E2F2: variants seen among roughly 807,000 people sequenced by gnomAD.
E2F2 encodes the protein E2F transcription factor 2.
E2F2 carries 22 observed loss-of-function variants against 42.2 expected under a neutral mutation model. The observed-to-expected ratio is 0.52, with a 90% CI of 0.37 to 0.74. The LOEUF (loss-of-function observed/expected upper bound fraction) is 0.74. Among genes scored for constraint, E2F2 ranks in the 30% least tolerant of loss-of-function variants. E2F2 has a pLI of 0.00. For synonymous variants in E2F2, 248 were observed against 251.6 expected (o/e 0.99, Z 0.13); for missense variants, 481 against 557.8 (o/e 0.86, Z 1.39).
intron 4 of E2F2, 26 bp from the exon 5 acceptor site, chr1:23,519,156 G>T: frequency 6.3e-7 from 1 of 1,590,862 alleles, no homozygotes; most frequent in South Asian, 1.1e-5. Flanking sequence ...CAAGAAAAGT[G>T]ACTGTCTGGT....
chr1:23,513,082 G>T (rs1055671909), intron 6 of E2F2, among the ~76,000 whole-genome samples: 1 of 151,002 alleles, frequency 6.6e-6, no homozygotes, highest in African/African-American at 2.4e-5. Context: ...CCAAGTGCTG[G>T]ATTACAGGTG....
At position 23,524,503 on chromosome 1, in the gene E2F2, GGA is replaced by G. The variant is rs771324453; in HGVS notation, c.253-17_253-16del. On this transcript the variant is annotated splice_polypyrimidine_tract_variant and intron_variant, in intron 1 of 6. Coordinates refer to ENST00000361729, the MANE Select transcript of E2F2 (RefSeq NM_004091.4). Reference sequence around the variant, plus strand: ...TTCCTTTTGGCCTTGGAGAAAAGGGGGAGAGAGAGGCAGAGTTTGAGAATCAT... The same window carrying G: ...TTCCTTTTGGCCTTGGAGAAAAGGGGGAGAGAGGCAGAGTTTGAGAATCAT... The G allele has an allele frequency of 1.7e-5, 28 of 1,609,920 alleles. No homozygotes were observed. The African/African-American group carries it at 3.1e-4, about 18-fold the overall frequency.
At chr1:23,510,926 G>A (rs1368761547) in intron 6 of E2F2, among the ~76,000 whole-genome samples, 1 of 152,068 alleles carries the variant, frequency 6.6e-6, no homozygotes, top group African/African-American at 2.4e-5. Context: ...AGTTATGATG[G>A]TAAATTTTTG....
chr1:23,517,440 C>T (rs538152776), intron 5 of E2F2, among the ~76,000 whole-genome samples: 1 of 152,244 alleles, frequency 6.6e-6, no homozygotes, highest in African/African-American at 2.4e-5. Flanking sequence ...TACCCTTTCT[C>T]TATGCTTGCA....
chr1:23,524,782 C>T (rs1244110084), intron 1 of E2F2, among the ~76,000 whole-genome samples: 2 of 152,228 alleles, frequency 1.3e-5, no homozygotes, highest in Non-Finnish European at 2.9e-5. Flanking sequence ...GCTCCTTAAC[C>T]ACGGGCCCTA....
At chr1:23,523,205 G>A (rs910146273) in intron 2 of E2F2, among the ~76,000 whole-genome samples, 10 of 150,856 alleles carry the variant, frequency 6.6e-5, no homozygotes, top group African/African-American at 2.4e-4. Context: ...CCAGGCTGGA[G>A]TGGAGTGCAG....
intron 5 of E2F2, among the ~76,000 whole-genome samples, chr1:23,516,797 G>A (rs1643029310): frequency 1.5e-5 from 2 of 131,472 alleles, no homozygotes; most frequent in Admixed American, 1.5e-4. Flanking sequence ...TAGTTTTGGG[G>A]CGGGGGGGGG....
chr1:23,505,704 G>A (rs927595686), downstream of E2F2, among the ~76,000 whole-genome samples: 2 of 152,110 alleles, frequency 1.3e-5, no homozygotes, highest in East Asian at 3.8e-4. Flanking sequence ...TAGTAGAGAC[G>A]GGGTTTCACT....
At position 23,521,078 on chromosome 1, in the gene E2F2, ACAGAGCAGCCCCC is replaced by A; in HGVS notation, c.579-20_579-8del. The stretch of plus-strand genomic sequence containing the variant: ...TTCAAACATTCCCCTGCCTCTGGGA[ACAGAGCAGCCCCC>A]CAGTGTCAGTCTGTGGGTGAAACTC... On this transcript the variant is annotated splice_polypyrimidine_tract_variant and splice_region_variant and intron_variant, in intron 3 of 6. Transcript: ENST00000361729. 4 of 1,607,038 alleles carry A rather than the reference ACAGAGCAGCCCCC, an allele frequency of 2.5e-6. No homozygotes were observed. Among genetic ancestry groups the A allele is most frequent in the Non-Finnish European group, 3.4e-6 (4 of 1,176,788 alleles).
At chr1:23,511,234 C>A (rs1026008320) in intron 6 of E2F2, among the ~76,000 whole-genome samples, 1 of 151,892 alleles carries the variant, frequency 6.6e-6, no homozygotes, top group Non-Finnish European at 1.5e-5. Flanking sequence ...TCTTTCTCGC[C>A]GCCTTCTTTT....
At chr1:23,518,589 T>C (rs1643073134) in intron 5 of E2F2, among the ~76,000 whole-genome samples, 1 of 151,946 alleles carries the variant, frequency 6.6e-6, no homozygotes, top group Non-Finnish European at 1.5e-5. Flanking sequence ...CAAAGACAGA[T>C]GGGGCAGCGG....
chr1:23,522,030 G>T lies in E2F2; in HGVS notation c.385C>A (p.Arg129=). 6.2e-7 allele frequency: 1 copy of T among 1,614,090 alleles called. No homozygotes were observed. The highest frequency in any genetic ancestry group is 8.5e-7 in the Non-Finnish European group (1 of 1,180,026). ...KTPKSPGEKT[R]YDTSLGLLTK... The stretch of plus-strand genomic sequence containing the variant: ...AGCAGCCCCAGCGAAGTGTCATACC[G>T]AGTCTTCTCCCCGGGGGATTTGGGG... Residue 129 remains arginine, a synonymous_variant, in exon 3 of 7, where the codon CGG becomes AGG. Coordinates refer to ENST00000361729, the MANE Select transcript of E2F2 (RefSeq NM_004091.4).
chr1:23,525,353 G>C (rs1468901942), intron 1 of E2F2, among the ~76,000 whole-genome samples: 1 of 152,226 alleles, frequency 6.6e-6, no homozygotes, highest in Non-Finnish European at 1.5e-5. Flanking sequence ...CCTGGTTAGG[G>C]CTGGGCAGGG....
intron 2 of E2F2, among the ~76,000 whole-genome samples, 171 bp downstream of exon 2, chr1:23,524,212 T>C (rs1006021796): frequency 6.6e-6 from 1 of 152,060 alleles, no homozygotes; most frequent in African/African-American, 2.4e-5. Context: ...TCAAGTTGCC[T>C]GATTAGTAAA....
At chr1:23,514,912 T>C (rs1265178699) in intron 6 of E2F2, among the ~76,000 whole-genome samples, 1 of 151,924 alleles carries the variant, frequency 6.6e-6, no homozygotes, top group African/African-American at 2.4e-5. Flanking sequence ...CATAGTTGCC[T>C]TCTTTTTCTT....
At position 23,507,605 on chromosome 1, in the gene E2F2, G is replaced by A. The variant is rs981129501; in HGVS notation, c.*2275C>T. ...CTGTGGAAGTCGGGAGGCTTCAAGT[G>A]TCACTGGCAAGACGGGGGCATGAGC... is the stretch of plus-strand genomic sequence containing the variant. On this transcript the variant is annotated 3_prime_UTR_variant, in exon 7 of 7. Transcript: ENST00000361729. The A allele has an allele frequency of 2.6e-5, 4 of 152,282 alleles. No individual in the cohort carries two copies. The highest frequency in any genetic ancestry group is 9.7e-5 in the African/African-American group (4 of 41,448). 9.4% of individuals were successfully genotyped at this position (152,282 alleles called of 1,614,324 possible). A position where few individuals can be genotyped will look rare whatever the true frequency, so the allele number is the denominator to read the frequency against.
chr1:23,512,091 G>A (rs1642920225), intron 6 of E2F2, among the ~76,000 whole-genome samples: 3 of 152,192 alleles, frequency 2.0e-5, no homozygotes, highest in Admixed American at 2.0e-4. Context: ...CCAGTTAATA[G>A]GGAGGCTGAG....
chr1:23,516,643 G>T, intron 5 of E2F2, 116 bp from the exon 6 acceptor site: 1 of 810,056 alleles, frequency 1.2e-6, no homozygotes, highest in Non-Finnish European at 1.9e-6. Flanking sequence ...CAAACCCTGG[G>T]CTGGCACTGA....
rs759054391 is a variant in E2F2, at chr1:23,519,916, T to G, written c.738-786A>C. ...AACATGGTGAAACCCCGTCTCTACA[T>G]AAAATACAAAAATTAGCCGGGTGTG... is the stretch of plus-strand genomic sequence containing the variant. On this transcript the variant is annotated intron_variant, in intron 4 of 6. Coordinates refer to ENST00000361729, the MANE Select transcript of E2F2 (RefSeq NM_004091.4). Among the ~76,000 whole-genome samples, 193 of 151,684 alleles carry G rather than the reference T, an allele frequency of 1.3e-3. 3 individuals are homozygous for G. The highest frequency in any genetic ancestry group is 6.3e-4 in the South Asian group (3 of 4,800).
Sources: allele counts gnomAD v4.1 joint callset (sites outside exome capture counted in the v4.1 genomes callset), GRCh38; gene constraint gnomAD v4.1.1; transcripts MANE v1.5; gene names NCBI Gene and HGNC (gene_info 2026-07-23, HGNC 2026-07-21).